Variants in SLC9B1 observed in about 807,000 individuals in gnomAD.
SLC9B1 encodes the protein solute carrier family 9 member B1, also known as sodium/hydrogen exchanger 9B1.
In SLC9B1, 32 loss-of-function variants were observed where a neutral mutation model predicts 51.7. The observed-to-expected ratio is 0.62, with a 90% CI of 0.47 to 0.83. The LOEUF (loss-of-function observed/expected upper bound fraction) is 0.83. Ranked by LOEUF, SLC9B1 falls within the 40% of genes least tolerant of loss-of-function variation. The pLI, the probability that SLC9B1 is intolerant of heterozygous loss-of-function variation, is 0.00. For missense variants in SLC9B1, 406 were observed against 613.2 expected, an observed-to-expected ratio of 0.66 and a Z score of 3.57; for synonymous variants, 145 against 212.7, an observed-to-expected ratio of 0.68 and a Z score of 2.77.
At position 102,945,222 on chromosome 4, in the gene SLC9B1, T is replaced by G. The variant is rs770907989; in HGVS notation, c.624A>C (p.Lys208Asn). 2 of 1,608,048 alleles carry G rather than the reference T, an allele frequency of 1.2e-6. No homozygotes were observed. Among genetic ancestry groups the G allele is most frequent in the East Asian group, 4.5e-5 (2 of 44,804 alleles). ...AAAVFSHFIM[K>N]FPWQWAFLLG... is the part of the protein sequence containing the mutation. The stretch of plus-strand genomic sequence containing the variant: ...ATAGAAATGCCCATTGCCAGGGAAA[T>G]TTCATAATGAAGTGTGAAAAAACAG... The change falls in exon 6 of 12, where the codon AAA becomes AAC. Residue 208 changes from lysine to asparagine, a missense_variant. This residue lies in a region of SLC9B1 where 250 missense variants were observed against 394.1 expected (regional missense o/e 0.63). Coordinates refer to ENST00000296422, the MANE Select transcript of SLC9B1 (RefSeq NM_139173.4).
At chr4:102,920,369 C>G (rs1056000742) in intron 7 of SLC9B1, among the ~76,000 whole-genome samples, 1 of 152,098 alleles carries the variant, frequency 6.6e-6, no homozygotes, top group East Asian at 1.9e-4. Context: ...TCAACATTAA[C>G]CAAAAGATCA....
chr4:102,973,641 A>C (rs1429523692), intron 3 of SLC9B1, among the ~76,000 whole-genome samples: 1 of 152,228 alleles, frequency 6.6e-6, no homozygotes, highest in Non-Finnish European at 1.5e-5. Flanking sequence ...CCTATGAATC[A>C]AATCACAACA....
intron 11 of SLC9B1, chr4:102,887,762 A>G (rs1466088786): frequency 5.7e-6 from 1 of 175,248 alleles, no homozygotes; most frequent in Non-Finnish European, 1.2e-5. Flanking sequence ...ATTCCCACCT[A>G]CATTGTTAAA....
intron 10 of SLC9B1, among the ~76,000 whole-genome samples, 188 bp from the exon 11 acceptor site, chr4:102,905,838 G>A (rs1008303345): frequency 1.3e-5 from 2 of 152,150 alleles, no homozygotes; most frequent in Non-Finnish European, 2.9e-5. Flanking sequence ...TAAAGTGCAA[G>A]AGAGTATCTG....
At chr4:102,936,433 C>T (rs1299164429) in intron 6 of SLC9B1, among the ~76,000 whole-genome samples, 1 of 152,140 alleles carries the variant, frequency 6.6e-6, no homozygotes, top group Non-Finnish European at 1.5e-5. Flanking sequence ...ACATAGAATT[C>T]AGAATCTGGA....
In SLC9B1 at chr4:102,911,545, G is replaced by C. The variant is rs371327610; in HGVS notation, c.830-8C>G. On this transcript the variant is annotated splice_polypyrimidine_tract_variant and splice_region_variant and intron_variant, in intron 7 of 11. Transcript: ENST00000296422. ...CGTTATTAAGTATACCACCTGTAGGGGCACACAATAAAAAAAAATTCACAA... is the reference window on the plus strand; with the variant it reads ...CGTTATTAAGTATACCACCTGTAGGCGCACACAATAAAAAAAAATTCACAA... 103 of 1,554,542 alleles carry C rather than the reference G, an allele frequency of 6.6e-5. No individual in the cohort carries two copies. The African/African-American group carries it at 1.2e-3, about 19-fold the overall frequency.
At chr4:102,943,069 GA>G in intron 6 of SLC9B1, among the ~76,000 whole-genome samples, 2 of 149,928 alleles carry the variant, frequency 1.3e-5, no homozygotes, top group Admixed American at 1.3e-4. Context: ...CAAGAAACAT[GA>G]AAAAATCCTC....
chr4:102,988,735 T>C (rs1739792712), intron 3 of SLC9B1, among the ~76,000 whole-genome samples: 1 of 152,072 alleles, frequency 6.6e-6, no homozygotes, highest in Non-Finnish European at 1.5e-5. Context: ...CCTTTTCCTA[T>C]AAATGTCTCC....
chr4:102,936,301 C>G (rs1736719765), intron 6 of SLC9B1, among the ~76,000 whole-genome samples: 1 of 152,170 alleles, frequency 6.6e-6, no homozygotes, highest in South Asian at 2.1e-4. Flanking sequence ...GGAACCTTAG[C>G]CCACACAGAT....
intron 1 of SLC9B1, among the ~76,000 whole-genome samples, chr4:102,999,859 C>T (rs1338933566): frequency 1.3e-5 from 2 of 152,084 alleles, no homozygotes; most frequent in African/African-American, 4.8e-5. Flanking sequence ...TAAAGAACTG[C>T]CCAAGACTGA....
chr4:102,986,726 C>T (rs187557432), intron 3 of SLC9B1, among the ~76,000 whole-genome samples: 115 of 152,192 alleles, frequency 7.6e-4, no homozygotes, highest in Non-Finnish European at 1.2e-3. Context: ...TTCTCAAGCC[C>T]GGAGATTCTT....
intron 3 of SLC9B1, among the ~76,000 whole-genome samples, chr4:102,965,328 C>G (rs1309953290): frequency 6.6e-6 from 1 of 152,100 alleles, no homozygotes; most frequent in Non-Finnish European, 1.5e-5. Context: ...TAGTGCATCA[C>G]AACATGGCAG....
intron 1 of SLC9B1, among the ~76,000 whole-genome samples, chr4:103,007,368 A>G (rs991504097): frequency 2.0e-5 from 3 of 152,190 alleles, no homozygotes; most frequent in Non-Finnish European, 4.4e-5. Context: ...GATTCCATAT[A>G]CAACAGCCAC....
chr4:102,997,832 A>G (rs1480504498), intron 1 of SLC9B1, among the ~76,000 whole-genome samples: 1 of 152,130 alleles, frequency 6.6e-6, no homozygotes, highest in East Asian at 1.9e-4. Context: ...CTTATTAGAT[A>G]TAGGTTAGAG....
At chr4:102,886,411 A>C (rs922013635) in intron 11 of SLC9B1, among the ~76,000 whole-genome samples, 1 of 151,960 alleles carries the variant, frequency 6.6e-6, no homozygotes, top group Non-Finnish European at 1.5e-5. Context: ...AAATCACTTG[A>C]ACCCAGGAGG....
At chr4:103,012,862 C>T (rs1403708654) in intron 1 of SLC9B1, among the ~76,000 whole-genome samples, 1 of 152,144 alleles carries the variant, frequency 6.6e-6, no homozygotes, top group Non-Finnish European at 1.5e-5. Flanking sequence ...AAAGTCCTAG[C>T]TAGCTGTCCC....
intron 6 of SLC9B1, among the ~76,000 whole-genome samples, chr4:102,935,802 A>C (rs1736692634): frequency 6.6e-6 from 1 of 152,236 alleles, no homozygotes. Flanking sequence ...AAACTCACGA[A>C]GATGCTGCCA....
At chr4:102,906,773 C>A in intron 9 of SLC9B1, 129 bp from the exon 10 acceptor site, 5 of 623,366 alleles carry the variant, frequency 8.0e-6, no homozygotes, top group Non-Finnish European at 1.1e-5. Context: ...CTCTGTTGCC[C>A]AGGCTGGAGT....
chr4:102,989,106 G>GA (rs143550104), intron 3 of SLC9B1, among the ~76,000 whole-genome samples: 16,956 of 151,868 alleles, frequency 0.11, 1,025 homozygotes, highest in Admixed American at 0.16. Context: ...CTTTACTAAT[G>GA]AAAAAAATCA....
Sources: allele counts gnomAD v4.1 joint callset (sites outside exome capture counted in the v4.1 genomes callset), GRCh38; gene constraint gnomAD v4.1.1; regional missense constraint gnomAD v4.1.1; transcripts MANE v1.5; gene names NCBI Gene and HGNC (gene_info 2026-07-23, HGNC 2026-07-21).